The following PDE11A variants were observed in gnomAD, a reference collection of about 807,000 sequenced individuals.
PDE11A encodes the protein phosphodiesterase 11A, also known as dual 3',5'-cyclic-AMP and -GMP phosphodiesterase 11A.
A neutral mutation model predicts 100.5 loss-of-function variants in PDE11A; 100 were observed. The ratio of observed to expected loss-of-function variants is 1.00; its 90% CI spans 0.85 to 1.18. The LOEUF is 1.18. Ranked by LOEUF, PDE11A falls within the 50% of genes most tolerant of loss-of-function variation. The probability of loss-of-function intolerance (pLI) is 0.00; values close to 1 mark genes in which losing one functional copy is unlikely to be tolerated. For missense variants in PDE11A, 1,141 were observed against 1,152.6 expected (o/e 0.99, Z 0.15); for synonymous variants, 381 against 420.8 (o/e 0.91, Z 1.16).
chr2:177,997,861 T>G, intron 2 of PDE11A: 1 of 1,380,532 alleles, frequency 7.2e-7, no homozygotes, highest in South Asian at 1.2e-5. Context: ...TAAATTTGTT[T>G]CTAGTTTTTC....
At position 177,754,646 on chromosome 2, in the gene PDE11A, AG is replaced by A. The variant is rs199946360; in HGVS notation, c.1788+14676del. Among the ~76,000 whole-genome samples, 871 of 152,346 alleles carry A rather than the reference AG, an allele frequency of 5.7e-3. 10 individuals carry two copies. Among genetic ancestry groups the A allele is most frequent in the African/African-American group, 0.019 (807 of 41,584 alleles). ...GCAGGCACAGTATGCGGTCAGTGTCAGGGGCAGCATTGGCTGCATTTTATCT... is the reference window on the plus strand; with the variant it reads ...GCAGGCACAGTATGCGGTCAGTGTCAGGGCAGCATTGGCTGCATTTTATCT... On this transcript the variant is annotated intron_variant, in intron 10 of 19. Transcript: ENST00000286063.
At chr2:177,746,374 C>T (rs1194442212) in intron 10 of PDE11A, among the ~76,000 whole-genome samples, 2 of 151,868 alleles carry the variant, frequency 1.3e-5, no homozygotes, top group African/African-American at 2.4e-5. Flanking sequence ...GAACAAACAC[C>T]AGAAATTCCA....
chr2:177,877,991 A>G (rs1420852169), intron 4 of PDE11A, among the ~76,000 whole-genome samples: 1 of 126,506 alleles, frequency 7.9e-6, no homozygotes, highest in Admixed American at 7.2e-5. Context: ...AAATAGGAAT[A>G]GATTAAATAT....
intron 5 of PDE11A, among the ~76,000 whole-genome samples, chr2:177,844,597 G>A (rs926897242): frequency 1.3e-4 from 20 of 151,296 alleles, no homozygotes; most frequent in African/African-American, 4.9e-4. Flanking sequence ...GGGGGATTTG[G>A]CTGGGTCATA....
chr2:177,915,240 T>G (rs2084936515), intron 2 of PDE11A, among the ~76,000 whole-genome samples: 1 of 152,220 alleles, frequency 6.6e-6, no homozygotes, highest in Admixed American at 6.5e-5. Context: ...AGGTTCACTC[T>G]TTGTGTCACA....
At chr2:177,771,725 A>G (rs1432093748) in intron 9 of PDE11A, among the ~76,000 whole-genome samples, 1 of 152,228 alleles carries the variant, frequency 6.6e-6, no homozygotes, top group Non-Finnish European at 1.5e-5. Context: ...CAAAAAATAC[A>G]GTTATGTTAT....
intron 9 of PDE11A, among the ~76,000 whole-genome samples, chr2:177,806,024 C>G (rs966583812): frequency 2.6e-5 from 4 of 152,156 alleles, no homozygotes; most frequent in Non-Finnish European, 4.4e-5. Context: ...AGCCTGCCAT[C>G]ATAGAGCAAC....
Position 177,921,478 on chromosome 2 carries a change from A to G in PDE11A, c.1072-16291T>C, listed in dbSNP as rs1019678765. 3.3e-5 allele frequency among the ~76,000 whole-genome samples: 5 copies of G among 149,934 alleles called. No individual in the cohort carries two copies. In the Middle Eastern group the frequency reaches 0.01, roughly 308 times the overall value. On this transcript the variant is annotated intron_variant, in intron 2 of 19. Coordinates refer to ENST00000286063, the MANE Select transcript of PDE11A (RefSeq NM_016953.4). ...ATAATTCTCATCTAAAAGCAAAAAA[A>G]AAAAAAGAAAAAAAACATGTTTATC...
intron 10 of PDE11A, among the ~76,000 whole-genome samples, chr2:177,735,373 A>G (rs2081762804): frequency 6.6e-6 from 1 of 151,964 alleles, no homozygotes; most frequent in Non-Finnish European, 1.5e-5. Context: ...TGGCCTACCC[A>G]AGAAGAAAGA....
intron 2 of PDE11A, among the ~76,000 whole-genome samples, chr2:177,920,916 G>C (rs2085031797): frequency 6.6e-6 from 1 of 151,916 alleles, no homozygotes; most frequent in Non-Finnish European, 1.5e-5. Context: ...CAAAAAATTA[G>C]CCGGGCGTGG....
rs1273928090 is a variant in PDE11A at position 178,105,710 on chromosome 2, T to C, written c.-13-1234A>G. ...GCCCTGAATGTGGAACCTGATGGCATAGGTCTCACCTGCAGCCTGGCACCC... is the reference window on the plus strand; with the variant it reads ...GCCCTGAATGTGGAACCTGATGGCACAGGTCTCACCTGCAGCCTGGCACCC... On this transcript the variant is annotated intron_variant, in intron 1 of 20. Coordinates refer to the PDE11A transcript ENST00000358450. The C allele has an allele frequency of 9.7e-6, 10 of 1,032,376 alleles. No homozygotes were observed. The South Asian group carries it at 1.8e-4, about 18-fold the overall frequency. 64.0% of individuals were successfully genotyped at this position (1,032,376 alleles called of 1,614,324 possible).
intron 17 of PDE11A, among the ~76,000 whole-genome samples, chr2:177,674,765 A>T (rs1293786343): frequency 6.6e-6 from 1 of 152,216 alleles, no homozygotes; most frequent in African/African-American, 2.4e-5. Context: ...ATTGATATGG[A>T]AATGCATCTT....
In PDE11A at chr2:178,038,105, T is replaced by C. The variant is rs567395074; in HGVS notation, c.913-23645A>G. On this transcript the variant is annotated intron_variant, in intron 1 of 19. Transcript: ENST00000286063. ...ATGTAAATATTCAAATTTCTTTTTA[T>C]AAAAAAGCAGATATATTGAGATATA... Among the ~76,000 whole-genome samples, 6 of 152,190 alleles carry C rather than the reference T, an allele frequency of 3.9e-5. No homozygotes were observed. The South Asian group carries it at 1.2e-3, about 32-fold the overall frequency.
At chr2:178,090,917 G>A (rs1004581171) in intron 2 of PDE11A, among the ~76,000 whole-genome samples, 10 of 152,124 alleles carry the variant, frequency 6.6e-5, no homozygotes, top group African/African-American at 1.4e-4. Context: ...CATGAGGAGC[G>A]CATTCTCCCC....
intron 12 of PDE11A, among the ~76,000 whole-genome samples, chr2:177,721,325 T>C (rs2105439327): frequency 6.6e-6 from 1 of 152,306 alleles, no homozygotes; most frequent in East Asian, 1.9e-4. Context: ...AGCAAACCTC[T>C]GGTATCTGTC....
At chr2:177,736,070 C>G (rs1041626441) in intron 10 of PDE11A, among the ~76,000 whole-genome samples, 13 of 152,166 alleles carry the variant, frequency 8.5e-5, no homozygotes, top group African/African-American at 2.4e-5. Flanking sequence ...ACCAAGCAAC[C>G]CTTTGTGTCC....
rs6723031 is a variant in PDE11A at position 177,626,489 on chromosome 2, G to A, written c.*2918C>T. ...TGCAGTGCTTCGGAGCTGCAGACAC[G>A]TCACGATCTCGCAGACCAGACTCTG... is the stretch of plus-strand genomic sequence containing the variant. On this transcript the variant is annotated 3_prime_UTR_variant, in exon 20 of 20. Transcript: ENST00000286063. 0.86 allele frequency: 131,590 copies of A among 152,658 alleles called. 56,875 individuals carry two copies. The highest frequency in any genetic ancestry group is 0.98 in the East Asian group (5,062 of 5,180). 9.5% of individuals were successfully genotyped at this position (152,658 alleles called of 1,614,324 possible).
chr2:177,723,837 A>T (rs1425150827), intron 12 of PDE11A, among the ~76,000 whole-genome samples: 1 of 152,136 alleles, frequency 6.6e-6, no homozygotes, highest in Non-Finnish European at 1.5e-5. Context: ...ACCGAAAAAA[A>T]TGTCTCTGCA....
At position 178,093,157 on chromosome 2, in the gene PDE11A, T is replaced by A. The variant is rs2087445087; in HGVS notation, c.162+11145A>T. The stretch of plus-strand genomic sequence containing the variant: ...CCACTCCTTGGCTTCTCTGTAGAAA[T>A]CCATACTGTAGAAACAGTCGCATAC... On this transcript the variant is annotated intron_variant, in intron 2 of 20. Transcript: ENST00000358450. Among the ~76,000 whole-genome samples, 4 of 152,198 alleles carry A rather than the reference T, an allele frequency of 2.6e-5. No individual in the cohort carries two copies. In the South Asian group the frequency reaches 8.3e-4, roughly 31 times the overall value.
Sources: allele counts gnomAD v4.1 joint callset (sites outside exome capture counted in the v4.1 genomes callset), GRCh38; gene constraint gnomAD v4.1.1; transcripts MANE v1.5; gene names NCBI Gene and HGNC (gene_info 2026-07-23, HGNC 2026-07-21).